Variants in LINGO2 observed in about 807,000 individuals in gnomAD.
LINGO2 encodes leucine rich repeat and Ig domain containing 2.
In LINGO2, 14 loss-of-function variants were observed where a neutral mutation model predicts 30.6. The ratio of observed to expected loss-of-function variants is 0.46; its 90% confidence interval spans 0.30 to 0.72. The LOEUF (loss-of-function observed/expected upper bound fraction) is 0.72. Ranked by LOEUF, LINGO2 falls within the 30% of genes least tolerant of loss-of-function variation. The probability of loss-of-function intolerance (pLI) is 0.07; values close to 1 mark genes in which losing one functional copy is unlikely to be tolerated. For synonymous variants in LINGO2, 317 were observed against 288.5 expected (o/e 1.10, Z -1.00); for missense variants, 729 against 751.7 (o/e 0.97, Z 0.35).
chr9:28,959,957 T>C, the LINGO2 span, among the ~76,000 whole-genome samples: 1 of 152,160 alleles, frequency 6.6e-6, no homozygotes, highest in Non-Finnish European at 1.5e-5. Context: ...TAGGGTAGTT[T>C]TAATGCTAAA....
At chr9:28,686,495 G>T in the LINGO2 span, among the ~76,000 whole-genome samples, 4 of 151,936 alleles carry the variant, frequency 2.6e-5, no homozygotes, top group Non-Finnish European at 5.9e-5. Flanking sequence ...TGGAAAATTT[G>T]TATCAATATT....
At chr9:28,003,342 TATAGATAGATAGATAGATAGATAG>T (rs200150497) in intron 5 of LINGO2, among the ~76,000 whole-genome samples, 9 of 141,642 alleles carry the variant, frequency 6.4e-5, no homozygotes, top group Admixed American at 3.5e-4. Context: ...TATATAGATA[TATAGATAGATAGATAGATAGATAG>T]ATAGATAGAT....
chr9:28,576,402 T>A (rs1040411468), intron 1 of LINGO2, among the ~76,000 whole-genome samples: 3 of 150,982 alleles, frequency 2.0e-5, no homozygotes, highest in African/African-American at 7.4e-5. Context: ...AAGCCAAGGA[T>A]TGCGTGTGTG....
At chr9:28,828,521 T>C in the LINGO2 span, among the ~76,000 whole-genome samples, 3 of 148,666 alleles carry the variant, frequency 2.0e-5, no homozygotes, top group Non-Finnish European at 4.5e-5. Flanking sequence ...CTATGGATTG[T>C]TGCCTACATT....
chr9:28,707,890 T>A, the LINGO2 span, among the ~76,000 whole-genome samples: 1 of 152,010 alleles, frequency 6.6e-6, no homozygotes, highest in East Asian at 1.9e-4. Flanking sequence ...AAAACACACA[T>A]TCAAAAAACA....
intron 2 of LINGO2, among the ~76,000 whole-genome samples, chr9:28,456,306 T>C (rs1331890): frequency 1 from 152,315 of 152,318 alleles, 76,156 homozygotes; most frequent in Non-Finnish European, 1. Context: ...TGTCAGCCTA[T>C]GCACACACTT....
the LINGO2 span, among the ~76,000 whole-genome samples, chr9:28,692,650 T>C: frequency 6.6e-6 from 1 of 152,152 alleles, no homozygotes; most frequent in African/African-American, 2.4e-5. Context: ...AATCCTGAAA[T>C]ATGATCTCTC....
intron 2 of LINGO2, among the ~76,000 whole-genome samples, chr9:28,390,211 C>T (rs1821768423): frequency 6.6e-6 from 1 of 152,166 alleles, no homozygotes; most frequent in Non-Finnish European, 1.5e-5. Context: ...GATGCTACCA[C>T]ACATTGTGAG....
the LINGO2 span, among the ~76,000 whole-genome samples, chr9:29,127,946 C>T: frequency 6.6e-6 from 1 of 152,106 alleles, no homozygotes; most frequent in East Asian, 1.9e-4. Context: ...TTTGACCTCC[C>T]TTCTCCTACT....
the LINGO2 span, among the ~76,000 whole-genome samples, chr9:28,866,574 C>T: frequency 3.3e-5 from 5 of 152,096 alleles, no homozygotes; most frequent in East Asian, 7.7e-4. Flanking sequence ...CCAGGGCACC[C>T]AGGGCAGAGA....
chr9:28,077,993 G>C (rs933483243), intron 4 of LINGO2, among the ~76,000 whole-genome samples: 2 of 149,260 alleles, frequency 1.3e-5, no homozygotes. Flanking sequence ...TCTGCCATAT[G>C]TGTTATGGTT....
chr9:28,081,945 T>G (rs1044319565), intron 4 of LINGO2, among the ~76,000 whole-genome samples: 12 of 152,162 alleles, frequency 7.9e-5, no homozygotes, highest in African/African-American at 2.2e-4. Flanking sequence ...AGGGAATGCC[T>G]TCATTATTTT....
intron 2 of LINGO2, among the ~76,000 whole-genome samples, chr9:28,376,070 T>C (rs1821117885): frequency 6.6e-6 from 1 of 151,294 alleles, no homozygotes; most frequent in Non-Finnish European, 1.5e-5. Context: ...CACTAGGCAT[T>C]TTGTGAACTT....
intron 4 of LINGO2, among the ~76,000 whole-genome samples, chr9:28,070,777 T>C (rs1825451483): frequency 1.3e-5 from 2 of 152,182 alleles, no homozygotes; most frequent in African/African-American, 4.8e-5. Context: ...AGTGGCATGA[T>C]CACAGGTTCG....
chr9:29,143,317 T>A, the LINGO2 span, among the ~76,000 whole-genome samples: 3 of 151,876 alleles, frequency 2.0e-5, no homozygotes, highest in Non-Finnish European at 4.4e-5. Context: ...TGGAAAAAAA[T>A]TCTACAATTC....
chr9:28,534,635 T>A (rs1821357775), intron 1 of LINGO2, among the ~76,000 whole-genome samples: 1 of 152,272 alleles, frequency 6.6e-6, no homozygotes, highest in East Asian at 1.9e-4. Flanking sequence ...GCTTACTTAT[T>A]ATAATGTTTG....
intron 2 of LINGO2, among the ~76,000 whole-genome samples, chr9:28,373,900 C>CA (rs5897288): frequency 0.16 from 14,836 of 92,816 alleles, 996 homozygotes; most frequent in Middle Eastern, 0.26. Context: ...AACTCCATCT[C>CA]AAAAAAAAAA....
chr9:28,088,406 T>A (rs1307039384), intron 4 of LINGO2, among the ~76,000 whole-genome samples: 1 of 152,018 alleles, frequency 6.6e-6, no homozygotes, highest in African/African-American at 2.4e-5. Flanking sequence ...CAGACTACCC[T>A]GATAAAAGCA....
At chr9:28,155,094 G>T (rs1828097514) in intron 4 of LINGO2, among the ~76,000 whole-genome samples, 1 of 152,164 alleles carries the variant, frequency 6.6e-6, no homozygotes, top group Non-Finnish European at 1.5e-5. Flanking sequence ...ACTCATTAAA[G>T]AAAAGATAAG....
Sources: gnomAD v4.1 joint callset for allele counts (sites outside exome capture counted in the v4.1 genomes callset) on GRCh38, gnomAD v4.1.1 for gene constraint, MANE v1.5 for transcripts, NCBI Gene and HGNC (gene_info 2026-07-23, HGNC 2026-07-21) for gene names.